Variants in CRYBG1 observed in about 807,000 individuals in gnomAD.
CRYBG1 encodes crystallin beta-gamma domain containing 1, also known as beta/gamma crystallin domain-containing protein 1.
A neutral mutation model predicts 189.2 loss-of-function variants in CRYBG1; 139 were observed. The ratio of observed to expected loss-of-function variants is 0.73; its 90% confidence interval spans 0.64 to 0.85. CRYBG1 has a LOEUF of 0.85. Ranked by LOEUF, CRYBG1 falls within the 40% of genes least tolerant of loss-of-function variation. The probability of loss-of-function intolerance (pLI) is 0.00; values close to 1 mark genes in which losing one functional copy is unlikely to be tolerated. For missense variants in CRYBG1, 2,611 were observed against 2,675.8 expected (o/e 0.98, Z 0.53); for synonymous variants, 1,023 against 1,017.1 (o/e 1.01, Z -0.11).
intron 8 of CRYBG1, among the ~76,000 whole-genome samples, chr6:106,532,445 A>G (rs1463234376): frequency 2.0e-5 from 3 of 152,220 alleles, no homozygotes; most frequent in African/African-American, 7.2e-5. Context: ...GCAAGATCAC[A>G]CAGGAGTTCT....
At chr6:106,461,897 G>A (rs1357592032) in intron 2 of CRYBG1, among the ~76,000 whole-genome samples, 1 of 152,114 alleles carries the variant, frequency 6.6e-6, no homozygotes, top group African/African-American at 2.4e-5. Flanking sequence ...TCCTGGAATC[G>A]ACATGAAAAT....
At chr6:106,532,231 T>A (rs1386746842) in intron 8 of CRYBG1, among the ~76,000 whole-genome samples, 2 of 152,218 alleles carry the variant, frequency 1.3e-5, no homozygotes, top group Non-Finnish European at 2.9e-5. Flanking sequence ...TAATCATAGT[T>A]ACCCTACTGT....
chr6:106,371,452 C>T (rs1770029347), intron 1 of CRYBG1, among the ~76,000 whole-genome samples: 1 of 152,232 alleles, frequency 6.6e-6, no homozygotes, highest in South Asian at 2.1e-4. Context: ...GCTTCTTTCC[C>T]CACTGTTGGC....
rs567335853 is a variant in CRYBG1, at chr6:106,425,927, C to T, written c.174-25767C>T. ...TGCTGGGATTACAGGTGTGAGCCAC[C>T]GCTCCCAGCCAGTTTCACTTTAAAT... On this transcript the variant is annotated intron_variant, in intron 1 of 21. Coordinates refer to ENST00000633556, the MANE Select transcript of CRYBG1 (RefSeq NM_001371242.2). Among the ~76,000 whole-genome samples the T allele has an allele frequency of 2.2e-3, 337 of 152,264 alleles. 3 individuals are homozygous for T. The highest frequency in any genetic ancestry group is 5.2e-3 in the South Asian group (25 of 4,822).
chr6:106,416,488 AT>A (rs1771023479), intron 1 of CRYBG1, among the ~76,000 whole-genome samples: 1 of 152,210 alleles, frequency 6.6e-6, no homozygotes, highest in Non-Finnish European at 1.5e-5. Context: ...GAGGTTAAAA[AT>A]GGGGCCTGAC....
intron 1 of CRYBG1, among the ~76,000 whole-genome samples, chr6:106,393,670 T>C (rs1218400409): frequency 1.5e-5 from 2 of 136,596 alleles, no homozygotes; most frequent in Non-Finnish European, 3.1e-5. Flanking sequence ...TGTTTCTTCG[T>C]TTCCTCTTCC....
chr6:106,504,733 G>A (rs531668346), intron 2 of CRYBG1, among the ~76,000 whole-genome samples: 1 of 151,958 alleles, frequency 6.6e-6, no homozygotes, highest in Non-Finnish European at 1.5e-5. Flanking sequence ...AAACACAAAC[G>A]GAAAGGTGGG....
chr6:106,555,920 T>C (rs752784456), intron 17 of CRYBG1, 23 bp downstream of exon 17: 10 of 1,614,010 alleles, frequency 6.2e-6, no homozygotes, highest in South Asian at 1.1e-5. Context: ...TTGTGAATAG[T>C]GTTGCAGAAA....
At chr6:106,376,015 A>T (rs1205713085) in intron 1 of CRYBG1, among the ~76,000 whole-genome samples, 1 of 152,212 alleles carries the variant, frequency 6.6e-6, no homozygotes, top group African/African-American at 2.4e-5. Flanking sequence ...TCTCTCTGTC[A>T]AAATATCTTA....
chr6:106,424,019 T>TTC (rs199767195), intron 1 of CRYBG1, among the ~76,000 whole-genome samples: 3 of 151,934 alleles, frequency 2.0e-5, no homozygotes, highest in South Asian at 2.1e-4. Flanking sequence ...CCTCCTTTCC[T>TTC]TCTCTCTCTC....
intron 2 of CRYBG1, among the ~76,000 whole-genome samples, chr6:106,479,589 C>T (rs575366774): frequency 2.6e-5 from 4 of 152,312 alleles, no homozygotes; most frequent in African/African-American, 9.6e-5. Flanking sequence ...CTCACCAACA[C>T]TCGTTGTCTT....
At chr6:106,393,341 A>G (rs1450104429) in intron 1 of CRYBG1, among the ~76,000 whole-genome samples, 3 of 152,160 alleles carry the variant, frequency 2.0e-5, no homozygotes, top group Admixed American at 6.5e-5. Context: ...GGCACCTAGC[A>G]CTGACCAGTA....
At chr6:106,454,528 G>A (rs913245894) in intron 2 of CRYBG1, among the ~76,000 whole-genome samples, 1 of 152,212 alleles carries the variant, frequency 6.6e-6, no homozygotes, top group Non-Finnish European at 1.5e-5. Flanking sequence ...TCCCCAGTGA[G>A]CCTGAGCATT....
intron 16 of CRYBG1, among the ~76,000 whole-genome samples, chr6:106,553,904 C>T (rs931154831): frequency 3.9e-5 from 6 of 152,132 alleles, no homozygotes; most frequent in African/African-American, 1.4e-4. Flanking sequence ...CGGCACTCTG[C>T]ATTAACAGGA....
At chr6:106,502,428 A>G (rs569257143) in intron 2 of CRYBG1, among the ~76,000 whole-genome samples, 1 of 152,348 alleles carries the variant, frequency 6.6e-6, no homozygotes, top group African/African-American at 2.4e-5. Flanking sequence ...CTAACTTGTC[A>G]GTAATTTGAT....
Position 106,520,500 on chromosome 6 carries a change from G to A in CRYBG1, c.3292G>A (p.Val1098Ile), listed in dbSNP as rs774462967. The A allele has an allele frequency of 2.7e-5, 44 of 1,614,146 alleles. No homozygotes were observed. The highest frequency in any genetic ancestry group is 3.7e-5 in the Non-Finnish European group (44 of 1,180,032). Residue 1098 changes from valine (V) to isoleucine (I), a missense_variant, in exon 4 of 22, where the codon GTA becomes ATA. Transcript: ENST00000633556. Reference sequence around the variant, plus strand: ...CATTTCTGCTGGTAGTGATGATAGTGTATTTGATTCTTCTTCTGATATGGA... The same window carrying A: ...CATTTCTGCTGGTAGTGATGATAGTATATTTGATTCTTCTTCTGATATGGA... ...LNISAGSDDS[V>I]FDSSSDMEKF... is the part of the protein sequence containing the mutation.
intron 1 of CRYBG1, among the ~76,000 whole-genome samples, chr6:106,419,027 G>A (rs1771078261): frequency 1.3e-5 from 2 of 152,124 alleles, no homozygotes; most frequent in South Asian, 4.2e-4. Flanking sequence ...TATGCAAATC[G>A]GTTTTTTCCT....
intron 1 of CRYBG1, among the ~76,000 whole-genome samples, chr6:106,389,315 T>C (rs1445633944): frequency 6.6e-6 from 1 of 152,168 alleles, no homozygotes; most frequent in Non-Finnish European, 1.5e-5. Flanking sequence ...GTTTTCTTAA[T>C]TGATTTGTAA....
chr6:106,379,097 T>C (rs1770235798), intron 1 of CRYBG1, among the ~76,000 whole-genome samples: 2 of 152,024 alleles, frequency 1.3e-5, no homozygotes, highest in Non-Finnish European at 2.9e-5. Flanking sequence ...TGCAGTGAGT[T>C]GAGATCGCGC....
Sources: gnomAD v4.1 joint callset for allele counts (sites outside exome capture counted in the v4.1 genomes callset) on GRCh38, gnomAD v4.1.1 for gene constraint, MANE v1.5 for transcripts, NCBI Gene and HGNC (gene_info 2026-07-23, HGNC 2026-07-21) for gene names.